Variants in SEPTIN9 observed in about 807,000 individuals in gnomAD.
The protein encoded by SEPTIN9 is septin-9.
A neutral mutation model predicts 56.6 loss-of-function variants in SEPTIN9; 13 were observed. That is an observed-to-expected ratio of 0.23 (90% CI 0.15 to 0.37). SEPTIN9 has a LOEUF of 0.37. SEPTIN9 is among the 10% of genes least tolerant of loss of function. SEPTIN9 has a pLI of 1.00. For synonymous variants in SEPTIN9, 332 were observed against 334.1 expected, an observed-to-expected ratio of 0.99 and a Z score of 0.07; for missense variants, 650 against 823.1, an observed-to-expected ratio of 0.79 and a Z score of 2.57.
In SEPTIN9 at chr17:77,449,339, A is replaced by G. The variant is rs539097127; in HGVS notation, c.722-32805A>G. Among the ~76,000 whole-genome samples, 1 of 152,146 alleles carries G rather than the reference A, an allele frequency of 6.6e-6. No homozygotes were observed. The highest frequency in any genetic ancestry group is 1.5e-5 in the Non-Finnish European group (1 of 68,020). On this transcript the variant is annotated intron_variant, in intron 3 of 11. Coordinates refer to ENST00000427177, the MANE Select transcript of SEPTIN9 (RefSeq NM_001113491.2). The surrounding 1 kb of genome is among the most constrained non-coding windows in gnomAD (Gnocchi z 4.6). ...GAGACCCTCATTTGGTGACAGCAAG[A>G]GGAACCACTGCAAGAGGGGCGGCCA... is the stretch of plus-strand genomic sequence containing the variant.
intron 2 of SEPTIN9, among the ~76,000 whole-genome samples, chr17:77,349,793 T>C (rs547530006): frequency 6.6e-6 from 1 of 152,352 alleles, no homozygotes; most frequent in Admixed American, 6.5e-5. Flanking sequence ...AGAGCTATAA[T>C]GTTTTCTGCA....
At chr17:77,447,821 C>T (rs2037799680) in intron 3 of SEPTIN9, among the ~76,000 whole-genome samples, 1 of 152,178 alleles carries the variant, frequency 6.6e-6, no homozygotes, top group African/African-American at 2.4e-5. Flanking sequence ...GACTGGGTTT[C>T]ACCATGTTGG....
intron 2 of SEPTIN9, among the ~76,000 whole-genome samples, chr17:77,343,003 GTCTATCTATCTATCTATCTA>G (rs139340887): frequency 2.7e-5 from 4 of 147,142 alleles, no homozygotes; most frequent in African/African-American, 2.6e-5. Flanking sequence ...CTGTCTGTCT[GTCTATCTATCTATCTATCTA>G]TCTATCTATC....
chr17:77,411,016 C>T (rs572307480), intron 3 of SEPTIN9, among the ~76,000 whole-genome samples: 5 of 149,926 alleles, frequency 3.3e-5, no homozygotes, highest in African/African-American at 1.2e-4. Flanking sequence ...ACCCAGGAGG[C>T]GGAGGTTGCA....
chr17:77,343,097 C>G (rs1442467523), intron 2 of SEPTIN9, among the ~76,000 whole-genome samples: 1 of 152,040 alleles, frequency 6.6e-6, no homozygotes, highest in Non-Finnish European at 1.5e-5. Context: ...CTTGAAATCT[C>G]CAAAGTGATG....
intron 2 of SEPTIN9, among the ~76,000 whole-genome samples, chr17:77,312,121 C>A (rs2032519624): frequency 6.6e-6 from 1 of 152,162 alleles, no homozygotes; most frequent in African/African-American, 2.4e-5. Context: ...GGTTGGGCCT[C>A]CATCATCCCT....
At chr17:77,345,198 G>T (rs1041658858) in intron 2 of SEPTIN9, among the ~76,000 whole-genome samples, 1 of 152,122 alleles carries the variant, frequency 6.6e-6, no homozygotes, top group Non-Finnish European at 1.5e-5. Context: ...TGTTTAATGG[G>T]GATAGAATTG....
In SEPTIN9 at chr17:77,498,510, C is replaced by T; in HGVS notation, c.1626-13C>T. On this transcript the variant is annotated splice_polypyrimidine_tract_variant and intron_variant, in intron 11 of 11. Transcript: ENST00000427177. Reference sequence around the variant, plus strand: ...GCCCACCTCACTGACCCGCCCGCCCCCCACCCCCACAGGACGCACATGCAG... The same window carrying T: ...GCCCACCTCACTGACCCGCCCGCCCTCCACCCCCACAGGACGCACATGCAG... 1 of 498,922 alleles carries T rather than the reference C, an allele frequency of 2.0e-6. No homozygotes were observed. The highest frequency in any genetic ancestry group is 3.8e-6 in the Non-Finnish European group (1 of 261,892). The allele number at this position is 498,922 out of a possible 1,614,324, so 30.9% of individuals were successfully genotyped here.
Position 77,425,172 on chromosome 17 carries a change from G to C in SEPTIN9, c.721+22469G>C, listed in dbSNP as rs996035477. 6.6e-6 allele frequency among the ~76,000 whole-genome samples: 1 copy of C among 152,164 alleles called. No individual in the cohort carries two copies. ...CCCACTGACCTGCACCATGTGACCCGGGCCTGGGAAGATGGGCCCAGCTGT... is the reference window on the plus strand; with the variant it reads ...CCCACTGACCTGCACCATGTGACCCCGGCCTGGGAAGATGGGCCCAGCTGT... On this transcript the variant is annotated intron_variant, in intron 3 of 11. Coordinates refer to ENST00000427177, the MANE Select transcript of SEPTIN9 (RefSeq NM_001113491.2). The surrounding 1 kb of genome is among the most constrained non-coding windows in gnomAD (Gnocchi z 4.2).
intron 1 of SEPTIN9, among the ~76,000 whole-genome samples, chr17:77,285,152 T>TC (rs1462286464): frequency 6.6e-6 from 1 of 151,998 alleles, no homozygotes; most frequent in East Asian, 1.9e-4. Flanking sequence ...GCAGGGTCTC[T>TC]CCCCCAGCCC....
chr17:77,423,262 C>T (rs2036768031), intron 3 of SEPTIN9, among the ~76,000 whole-genome samples: 1 of 152,172 alleles, frequency 6.6e-6, no homozygotes, highest in Admixed American at 6.5e-5. Context: ...TCTCGAACTC[C>T]TGGCCTCAAG....
chr17:77,459,556 C>T (rs549606820), intron 3 of SEPTIN9, among the ~76,000 whole-genome samples: 3 of 152,086 alleles, frequency 2.0e-5, no homozygotes, highest in Non-Finnish European at 4.4e-5. Flanking sequence ...AAGGAATAGC[C>T]GAGGCTGGGG....
intron 2 of SEPTIN9, among the ~76,000 whole-genome samples, chr17:77,335,815 A>G (rs536733567): frequency 7.3e-5 from 5 of 68,382 alleles, no homozygotes; most frequent in African/African-American, 4.7e-4. Context: ...GTCCTGTATT[A>G]GTATATGTAC....
Position 77,499,877 on chromosome 17 carries a change from T to G in SEPTIN9, c.*1219T>G. 1 of 284,506 alleles carries G rather than the reference T, an allele frequency of 3.5e-6. No individual in the cohort carries two copies. The highest frequency in any genetic ancestry group is 2.1e-5 in the African/African-American group (1 of 46,732). The allele number at this position is 284,506 out of a possible 1,614,324, so 17.6% of individuals were successfully genotyped here. On this transcript the variant is annotated 3_prime_UTR_variant, in exon 12 of 12. Coordinates refer to ENST00000427177, the MANE Select transcript of SEPTIN9 (RefSeq NM_001113491.2). ...CTCAGAGCCCATGGTAACGAACCCC[T>G]AGAAAGGAGAGAACGGGCGTCAGGG...
At chr17:77,464,152 C>T (rs977202256) in intron 3 of SEPTIN9, among the ~76,000 whole-genome samples, 3 of 152,110 alleles carry the variant, frequency 2.0e-5, no homozygotes, top group Non-Finnish European at 4.4e-5. Context: ...CGGCTTACTG[C>T]AACCTCTGCC....
chr17:77,389,557 G>A lies in SEPTIN9; in HGVS notation c.77-12502G>A, dbSNP rs1425469287. On this transcript the variant is annotated intron_variant, in intron 2 of 11. Coordinates refer to ENST00000427177, the MANE Select transcript of SEPTIN9 (RefSeq NM_001113491.2). This position sits in a 1 kb window ranked among gnomAD's most constrained non-coding sequence, Gnocchi z 4.3. The stretch of plus-strand genomic sequence containing the variant: ...CCAGGGCCTCGCTCCTGCCTTCAGC[G>A]ACAGCCATTTATCAGGGAGTCTTTG... Among the ~76,000 whole-genome samples the A allele has an allele frequency of 1.3e-5, 2 of 152,094 alleles. No individual in the cohort carries two copies. Among genetic ancestry groups the A allele is most frequent in the Non-Finnish European group, 2.9e-5 (2 of 68,006 alleles).
chr17:77,370,468 G>C (rs1443952450), intron 2 of SEPTIN9, among the ~76,000 whole-genome samples: 1 of 152,154 alleles, frequency 6.6e-6, no homozygotes, highest in African/African-American at 2.4e-5. Flanking sequence ...TTTCTGCAGA[G>C]ACCCTTAAAC....
intron 2 of SEPTIN9, among the ~76,000 whole-genome samples, chr17:77,308,357 G>A (rs774210577): frequency 2.8e-4 from 43 of 152,226 alleles, no homozygotes; most frequent in Non-Finnish European, 4.9e-4. Flanking sequence ...CAGCCGTCCT[G>A]CCAGGACAAG....
intron 7 of SEPTIN9, among the ~76,000 whole-genome samples, chr17:77,489,844 C>G (rs1598465690): frequency 6.6e-6 from 1 of 152,354 alleles, no homozygotes; most frequent in East Asian, 1.9e-4. Flanking sequence ...CTCTCCTGAA[C>G]TGAACATCTG....
Sources: allele counts gnomAD v4.1 joint callset (sites outside exome capture counted in the v4.1 genomes callset), GRCh38; gene constraint gnomAD v4.1.1; non-coding constraint Gnocchi (gnomAD v3.1); transcripts MANE v1.5; gene names NCBI Gene and HGNC (gene_info 2026-07-23, HGNC 2026-07-21).